Variants in SPINK8 observed in about 807,000 individuals in gnomAD.
SPINK8 encodes serine peptidase inhibitor Kazal type 8 (putative).
A neutral mutation model predicts 14.4 loss-of-function variants in SPINK8; 12 were observed. The observed-to-expected ratio is 0.83, with a 90% CI of 0.53 to 1.35. The LOEUF is 1.35. Ranked by LOEUF, SPINK8 falls within the 40% of genes most tolerant of loss-of-function variation. The probability of loss-of-function intolerance (pLI) is 0.00; values close to 1 mark genes in which losing one functional copy is unlikely to be tolerated. For synonymous variants in SPINK8, 32 were observed against 37.6 expected (o/e 0.85, Z 0.55); for missense variants, 103 against 117.0 (o/e 0.88, Z 0.55).
At chr3:48,323,604 A>G in intron 4 of SPINK8, among the ~76,000 whole-genome samples, 1 of 152,174 alleles carries the variant, frequency 6.6e-6, no homozygotes, top group East Asian at 1.9e-4. Flanking sequence ...ATCCATGTTG[A>G]GGCATTATAA....
chr3:48,320,878 C>A, intron 5 of SPINK8, 147 bp downstream of exon 5: 1 of 722,388 alleles, frequency 1.4e-6, no homozygotes, highest in Non-Finnish European at 2.2e-6. Context: ...ATGTGCTACA[C>A]ATACTTGGTG....
At position 48,321,014 on chromosome 3, in the gene SPINK8, G is replaced by A; in HGVS notation, c.117+11C>T. ...ATTCCTGTTATTAGGAACCAAGGAA[G>A]CAGTACTCACTATTGTTTTGTCTAG... On this transcript the variant is annotated intron_variant, in intron 5 of 7. Transcript: ENST00000434006. The A allele has an allele frequency of 6.3e-7, 1 of 1,586,770 alleles. No homozygotes were observed.
At chr3:48,314,073 C>T (rs1393177536) in intron 6 of SPINK8, among the ~76,000 whole-genome samples, 1 of 152,048 alleles carries the variant, frequency 6.6e-6, no homozygotes, top group Non-Finnish European at 1.5e-5. Flanking sequence ...CTAAATGCTA[C>T]CAATTTGTTC....
rs1317513655 is a variant in SPINK8, at chr3:48,328,333, C to T, written c.9G>A (p.Gly3=). 2 of 1,610,940 alleles carry T rather than the reference C, an allele frequency of 1.2e-6. No homozygotes were observed. Among genetic ancestry groups the T allele is most frequent in the Admixed American group, 3.4e-5 (2 of 59,682 alleles). The change falls in exon 4 of 8, where the codon GGG becomes GGA. Residue 3 remains glycine, a synonymous_variant. Transcript: ENST00000434006. The part of the protein sequence containing the change: MK[G]ICSDAILVLA... Reference sequence around the variant, plus strand: ...GAACAAGGATGGCGTCTGAGCAGATCCCCTTCATGGTGACAGAAGAACTGT... The same window carrying T: ...GAACAAGGATGGCGTCTGAGCAGATTCCCTTCATGGTGACAGAAGAACTGT...
intron 6 of SPINK8, among the ~76,000 whole-genome samples, chr3:48,315,298 T>G (rs2035972312): frequency 6.6e-6 from 1 of 152,162 alleles, no homozygotes; most frequent in South Asian, 2.1e-4. Flanking sequence ...AACAAAATAG[T>G]CATGGCACGT....
At chr3:48,310,790 C>T (rs1560014047) in intron 6 of SPINK8, among the ~76,000 whole-genome samples, 1 of 152,156 alleles carries the variant, frequency 6.6e-6, no homozygotes, top group Non-Finnish European at 1.5e-5. Context: ...TGAGCCACTG[C>T]ACCTGGCCTA....
At chr3:48,310,438 T>TA (rs1337513046) in intron 6 of SPINK8, among the ~76,000 whole-genome samples, 1 of 150,690 alleles carries the variant, frequency 6.6e-6, no homozygotes, top group Non-Finnish European at 1.5e-5. Context: ...GAATCAGTAA[T>TA]AAAAAATGTC....
At position 48,310,496 on chromosome 3, in the gene SPINK8, ATTT is replaced by A. The variant is rs199919970; in HGVS notation, c.240-553_240-551del. 1.6e-4 allele frequency among the ~76,000 whole-genome samples: 14 copies of A among 88,696 alleles called. No individual in the cohort carries two copies. The South Asian group carries it at 2.3e-3, about 14-fold the overall frequency. 58.2% of individuals were successfully genotyped at this position (88,696 alleles called of 152,430 possible). On this transcript the variant is annotated intron_variant, in intron 6 of 7. Coordinates refer to ENST00000434006, the MANE Select transcript of SPINK8 (RefSeq NM_001080525.3). ...AGTACTGAATTCTACCAAAAAAAAA[ATTT>A]TTTTTTTTTTTTTTTGAGACAGAGT...
rs75970429 is a variant in SPINK8 at position 48,316,347 on chromosome 3, T to C, written c.239+3150A>G. 242 of 155,890 alleles carry C rather than the reference T, an allele frequency of 1.6e-3. 1 individual carries two copies. Among genetic ancestry groups the C allele is most frequent in the Admixed American group, 0.012 (181 of 15,294 alleles). 9.7% of individuals were successfully genotyped at this position (155,890 alleles called of 1,614,324 possible). On this transcript the variant is annotated intron_variant, in intron 6 of 7. Coordinates refer to ENST00000434006, the MANE Select transcript of SPINK8 (RefSeq NM_001080525.3). ...AATCCAAAAAGCAGAAAGGGAGAAGTGAATATCACATGTAAATGATCCTCA... is the reference window on the plus strand; with the variant it reads ...AATCCAAAAAGCAGAAAGGGAGAAGCGAATATCACATGTAAATGATCCTCA...
At chr3:48,313,420 T>C (rs1000532727) in intron 6 of SPINK8, among the ~76,000 whole-genome samples, 4 of 152,200 alleles carry the variant, frequency 2.6e-5, no homozygotes, top group Admixed American at 2.6e-4. Flanking sequence ...GAAAACTTGA[T>C]GAGATACCAT....
chr3:48,319,464 T>C, intron 6 of SPINK8, 33 bp downstream of exon 6: 1 of 1,613,434 alleles, frequency 6.2e-7, no homozygotes, highest in Non-Finnish European at 8.5e-7. Flanking sequence ...ACCTCTTGAC[T>C]TGAAAGAAAG....
At chr3:48,310,496 ATT>A (rs199919970) in intron 6 of SPINK8, among the ~76,000 whole-genome samples, 13 of 88,678 alleles carry the variant, frequency 1.5e-4, no homozygotes, top group Non-Finnish European at 1.5e-4. Flanking sequence ...CAAAAAAAAA[ATT>A]TTTTTTTTTT....
intron 7 of SPINK8, 75 bp from the exon 8 acceptor site, chr3:48,307,078 A>G (rs1490286513): frequency 1.4e-6 from 2 of 1,385,588 alleles, no homozygotes; most frequent in African/African-American, 2.8e-5. Context: ...TGGTAAACAC[A>G]ACCATAGTTC....
intron 1 of SPINK8, among the ~76,000 whole-genome samples, 86 bp downstream of exon 1, chr3:48,333,449 A>T (rs2036291683): frequency 3.3e-5 from 5 of 152,196 alleles, no homozygotes; most frequent in African/African-American, 9.7e-5. Context: ...TTAGTCCTAG[A>T]GCGTCCTCTG....
At chr3:48,319,171 G>A (rs2107096820) in intron 6 of SPINK8, among the ~76,000 whole-genome samples, 1 of 152,276 alleles carries the variant, frequency 6.6e-6, no homozygotes, top group East Asian at 1.9e-4. Flanking sequence ...TTGGCCTGAG[G>A]GGGCATGAGG....
intron 1 of SPINK8, among the ~76,000 whole-genome samples, 132 bp downstream of exon 1, chr3:48,333,403 G>C (rs1291152555): frequency 6.6e-6 from 1 of 151,984 alleles, no homozygotes; most frequent in Non-Finnish European, 1.5e-5. Flanking sequence ...AAAGAACATA[G>C]GGATGCCAGC....
At chr3:48,307,288 G>C (rs1340324439) in intron 7 of SPINK8, among the ~76,000 whole-genome samples, 1 of 152,088 alleles carries the variant, frequency 6.6e-6, no homozygotes, top group Non-Finnish European at 1.5e-5. Context: ...CATGAAGCAG[G>C]GTCCTGGCAG....
At position 48,309,950 on chromosome 3, in the gene SPINK8, AAAG is replaced by A; in HGVS notation, c.240-7_240-5del. 3 of 1,417,752 alleles carry A rather than the reference AAAG, an allele frequency of 2.1e-6. No homozygotes were observed. Among genetic ancestry groups the A allele is most frequent in the Non-Finnish European group, 1.8e-6 (2 of 1,085,662 alleles). 87.8% of individuals were successfully genotyped at this position (1,417,752 alleles called of 1,614,324 possible). ...AGTTATGTTAAGCCCTTCAAATCTG[AAAG>A]AAATTATATTTTAAAATTATTTTTG... On this transcript the variant is annotated splice_polypyrimidine_tract_variant and splice_region_variant and intron_variant, in intron 6 of 7. Coordinates refer to ENST00000434006, the MANE Select transcript of SPINK8 (RefSeq NM_001080525.3).
intron 7 of SPINK8, 69 bp downstream of exon 7, chr3:48,309,835 C>A: frequency 7.2e-7 from 1 of 1,398,566 alleles, no homozygotes; most frequent in Non-Finnish European, 9.3e-7. Context: ...TTAAAACCCT[C>A]TAAAACAGTG....
Sources: gnomAD v4.1 joint callset for allele counts (sites outside exome capture counted in the v4.1 genomes callset) on GRCh38, gnomAD v4.1.1 for gene constraint, MANE v1.5 for transcripts, NCBI Gene and HGNC (gene_info 2026-07-23, HGNC 2026-07-21) for gene names.